Variants in QTMAN observed in about 807,000 individuals in gnomAD.
QTMAN encodes the protein queuosine-tRNA mannosyltransferase.
At chr2:144,075,848 A>T in the QTMAN span, among the ~76,000 whole-genome samples, 29 of 152,372 alleles carry the variant, frequency 1.9e-4, no homozygotes, top group African/African-American at 5.8e-4. Context: ...ACAGAACCAG[A>T]AATGAAGTGC....
At chr2:144,260,168 T>C in the QTMAN span, among the ~76,000 whole-genome samples, 1 of 152,182 alleles carries the variant, frequency 6.6e-6, no homozygotes, top group African/African-American at 2.4e-5. Flanking sequence ...GAATTCCTTA[T>C]TGTAAAAAAA....
the QTMAN span, chr2:144,177,253 A>T: frequency 2.2e-5 from 7 of 317,458 alleles, no homozygotes; most frequent in South Asian, 1.2e-4. Context: ...TGATCCCAAT[A>T]AAAAAAAAAA....
chr2:144,263,928 T>C, the QTMAN span, among the ~76,000 whole-genome samples: 29 of 152,046 alleles, frequency 1.9e-4, no homozygotes, highest in African/African-American at 6.5e-4. Context: ...AATTAATTAA[T>C]GGGAGCTATT....
the QTMAN span, among the ~76,000 whole-genome samples, chr2:144,029,850 CAATTATATTAT>C: frequency 7.9e-5 from 12 of 151,262 alleles, no homozygotes; most frequent in Admixed American, 7.9e-4. Context: ...TGTGTTATTA[CAATTATATTAT>C]GTTAAAGGTT....
chr2:144,171,991 A>C, the QTMAN span, among the ~76,000 whole-genome samples: 1 of 152,152 alleles, frequency 6.6e-6, no homozygotes, highest in Non-Finnish European at 1.5e-5. Flanking sequence ...TTCACATTTT[A>C]TGTGTTCTCA....
At chr2:144,328,915 G>C in the QTMAN span, among the ~76,000 whole-genome samples, 2 of 152,010 alleles carry the variant, frequency 1.3e-5, no homozygotes, top group Admixed American at 6.6e-5. Flanking sequence ...ATGGAGTGTT[G>C]GTTTGTACTT....
chr2:144,159,060 G>T, the QTMAN span, among the ~76,000 whole-genome samples: 2 of 151,970 alleles, frequency 1.3e-5, no homozygotes, highest in Non-Finnish European at 2.9e-5. Context: ...ATACAAAAAG[G>T]ATTTGATACA....
the QTMAN span, among the ~76,000 whole-genome samples, chr2:144,021,084 GA>G: frequency 2.0e-5 from 3 of 151,112 alleles, no homozygotes; most frequent in African/African-American, 7.3e-5. Flanking sequence ...GAAAATCAAA[GA>G]AAAAAATATA....
chr2:144,304,211 G>A, the QTMAN span, among the ~76,000 whole-genome samples: 2 of 152,120 alleles, frequency 1.3e-5, no homozygotes, highest in African/African-American at 4.8e-5. Flanking sequence ...GGATAAAGAA[G>A]AATCACACCT....
At chr2:144,295,730 A>T in the QTMAN span, among the ~76,000 whole-genome samples, 1 of 151,984 alleles carries the variant, frequency 6.6e-6, no homozygotes, top group African/African-American at 2.4e-5. Flanking sequence ...CTCCCACCTC[A>T]GCCTCTCGAG....
the QTMAN span, among the ~76,000 whole-genome samples, chr2:144,246,643 C>A: frequency 1.3e-5 from 2 of 150,652 alleles, no homozygotes; most frequent in Non-Finnish European, 3.0e-5. Context: ...ATATATGGGT[C>A]TCCAATATAG....
At chr2:144,243,933 C>A in the QTMAN span, among the ~76,000 whole-genome samples, 1 of 152,266 alleles carries the variant, frequency 6.6e-6, no homozygotes, top group East Asian at 1.9e-4. Flanking sequence ...GATCTATAAG[C>A]ATTAAAGAAC....
the QTMAN span, among the ~76,000 whole-genome samples, chr2:144,219,127 T>C: frequency 6.6e-6 from 1 of 152,138 alleles, no homozygotes; most frequent in African/African-American, 2.4e-5. Context: ...AGACCTTTTT[T>C]TTAATTCTTC....
At chr2:144,177,703 C>T in the QTMAN span, among the ~76,000 whole-genome samples, 1 of 152,078 alleles carries the variant, frequency 6.6e-6, no homozygotes, top group African/African-American at 2.4e-5. Flanking sequence ...GATTAATGTG[C>T]CCTAGAAAAT....
At chr2:144,178,844 T>G in the QTMAN span, 1 of 361,320 alleles carries the variant, frequency 2.8e-6, no homozygotes, top group Non-Finnish European at 5.6e-6. Context: ...CCAAGGAGCT[T>G]CTTTTCAGGA....
the QTMAN span, among the ~76,000 whole-genome samples, chr2:144,233,787 G>T: frequency 1.3e-5 from 2 of 152,124 alleles, no homozygotes; most frequent in Non-Finnish European, 2.9e-5. Context: ...TTATGCCGAA[G>T]AATGCATTAA....
the QTMAN span, among the ~76,000 whole-genome samples, chr2:144,256,181 A>G: frequency 1.4e-3 from 206 of 152,348 alleles, no homozygotes; most frequent in Non-Finnish European, 2.4e-3. Flanking sequence ...TTTGAAAAAT[A>G]TAGTTCTCCA....
chr2:144,127,022 C>T, the QTMAN span, among the ~76,000 whole-genome samples: 15 of 151,894 alleles, frequency 9.9e-5, no homozygotes, highest in African/African-American at 3.1e-4. Context: ...AGAACACACA[C>T]AAAAAATCTA....
At chr2:144,077,210 A>G in the QTMAN span, among the ~76,000 whole-genome samples, 2 of 152,252 alleles carry the variant, frequency 1.3e-5, no homozygotes, top group African/African-American at 4.8e-5. Flanking sequence ...GTGATACACA[A>G]TGACTCCCAA....
Sources: allele counts gnomAD v4.1 joint callset (sites outside exome capture counted in the v4.1 genomes callset), GRCh38; gene constraint gnomAD v4.1.1; transcripts MANE v1.5; gene names NCBI Gene and HGNC (gene_info 2026-07-23, HGNC 2026-07-21).